The following ZPBP variants were observed in gnomAD, a reference collection of about 807,000 sequenced individuals.
ZPBP encodes zona pellucida binding protein, also known as zona pellucida-binding protein 1.
ZPBP carries 26 observed loss-of-function variants against 44.8 expected under a neutral mutation model. The ratio of observed to expected loss-of-function variants is 0.58; its 90% CI spans 0.43 to 0.81. ZPBP has a LOEUF of 0.81. ZPBP is among the 30% of genes least tolerant of loss of function. The probability of loss-of-function intolerance (pLI) is 0.00; values close to 1 mark genes in which losing one functional copy is unlikely to be tolerated. For missense variants in ZPBP, 409 were observed against 434.0 expected (o/e 0.94, Z 0.51); for synonymous variants, 174 against 153.2 (o/e 1.14, Z -1.00).
chr7:49,951,236 T>G (rs1047491455), intron 7 of ZPBP, among the ~76,000 whole-genome samples: 2 of 151,706 alleles, frequency 1.3e-5, no homozygotes, highest in Non-Finnish European at 3.0e-5. Context: ...ATTTTAAAAC[T>G]GGGATGAAAT....
Position 49,984,322 on chromosome 7 carries a change from T to C in ZPBP, c.784-803A>G, listed in dbSNP as rs73349184. Among the ~76,000 whole-genome samples, 687 of 152,294 alleles carry C rather than the reference T, an allele frequency of 4.5e-3. 6 individuals are homozygous for C. The highest frequency in any genetic ancestry group is 0.016 in the African/African-American group (662 of 41,562). ...TTTCTATAATGTCCAGGTTCTCCCA[T>C]GCAAAAACACCCACAAAGGGTGATA... On this transcript the variant is annotated intron_variant, in intron 6 of 7. Transcript: ENST00000046087.
At chr7:49,986,242 G>A (rs548568043) in intron 6 of ZPBP, among the ~76,000 whole-genome samples, 13 of 152,198 alleles carry the variant, frequency 8.5e-5, no homozygotes, top group Non-Finnish European at 7.4e-5. Context: ...CCCACCCTCC[G>A]TTGCTCCTGG....
chr7:49,943,356 C>T lies in ZPBP; in HGVS notation c.962-5734G>A, dbSNP rs145059493. 1.5e-3 allele frequency: 519 copies of T among 337,298 alleles called. 5 individuals carry two copies. Among genetic ancestry groups the T allele is most frequent in the African/African-American group, 0.01 (472 of 45,670 alleles). The allele number at this position is 337,298 out of a possible 1,614,324, so 20.9% of individuals were successfully genotyped here. On this transcript the variant is annotated intron_variant, in intron 7 of 7. Coordinates refer to ENST00000046087, the MANE Select transcript of ZPBP (RefSeq NM_007009.3). ...GAAGAGTATACCAAACCTGAACAGTCAATGAAGCATAACCAACATATCAAG... is the reference window on the plus strand; with the variant it reads ...GAAGAGTATACCAAACCTGAACAGTTAATGAAGCATAACCAACATATCAAG...
At chr7:49,908,060 C>A (rs1213874712) in intron 1 of ZPBP, among the ~76,000 whole-genome samples, 2 of 152,168 alleles carry the variant, frequency 1.3e-5, no homozygotes, top group African/African-American at 4.8e-5. Context: ...CAAAATATGT[C>A]AAAGAAATAT....
chr7:49,852,820 T>C (rs1423777269), intron 2 of ZPBP, among the ~76,000 whole-genome samples: 1 of 152,208 alleles, frequency 6.6e-6, no homozygotes. Context: ...TGGCCATGAC[T>C]TGGACTCCGT....
intron 7 of ZPBP, among the ~76,000 whole-genome samples, chr7:49,979,965 A>G (rs1439307105): frequency 9.1e-6 from 1 of 109,414 alleles, no homozygotes; most frequent in Non-Finnish European, 1.7e-5. Flanking sequence ...ATATATTTAT[A>G]TTATATATTA....
At chr7:50,029,463 T>C (rs1158236929) in intron 5 of ZPBP, among the ~76,000 whole-genome samples, 1 of 151,980 alleles carries the variant, frequency 6.6e-6, no homozygotes, top group East Asian at 1.9e-4. Context: ...AAGGAAAAAA[T>C]AGGTAAATTG....
chr7:49,992,789 A>G (rs971053264), intron 6 of ZPBP, among the ~76,000 whole-genome samples: 19 of 152,174 alleles, frequency 1.2e-4, no homozygotes, highest in African/African-American at 3.9e-4. Flanking sequence ...CTGACAGCCA[A>G]TGAATCCTCA....
chr7:49,980,058 T>A (rs1171809930), intron 7 of ZPBP, among the ~76,000 whole-genome samples: 1 of 84,888 alleles, frequency 1.2e-5, no homozygotes, highest in Non-Finnish European at 2.1e-5. Context: ...AATATAATTT[T>A]ATATTATATT....
intron 4 of ZPBP, among the ~76,000 whole-genome samples, chr7:50,054,586 A>C (rs1584130589): frequency 6.6e-6 from 1 of 152,204 alleles, no homozygotes; most frequent in East Asian, 1.9e-4. Flanking sequence ...ATTTTCTAAA[A>C]TTTTTAAAGG....
chr7:49,988,169 A>G (rs1389237385), intron 6 of ZPBP, among the ~76,000 whole-genome samples: 1 of 152,208 alleles, frequency 6.6e-6, no homozygotes, highest in Admixed American at 6.5e-5. Flanking sequence ...CTAAATCTGT[A>G]AAAGGTTATA....
At chr7:49,853,289 C>T (rs1489330990) in intron 2 of ZPBP, among the ~76,000 whole-genome samples, 1 of 152,228 alleles carries the variant, frequency 6.6e-6, no homozygotes, top group East Asian at 1.9e-4. Context: ...CCCTTAGGAA[C>T]CTGTGGCCGG....
chr7:49,843,875 G>A, the ZPBP span, among the ~76,000 whole-genome samples: 1 of 152,188 alleles, frequency 6.6e-6, no homozygotes, highest in Non-Finnish European at 1.5e-5. Context: ...GAAAAAAGAA[G>A]ACCAATGGTA....
rs549313291 is a variant in ZPBP at position 50,087,748 on chromosome 7, TATAAA to T, written c.208+1876_208+1880del. Among the ~76,000 whole-genome samples the T allele has an allele frequency of 3.1e-4, 47 of 152,116 alleles. No individual in the cohort carries two copies. The East Asian group carries it at 9.1e-3, about 29-fold the overall frequency. On this transcript the variant is annotated intron_variant, in intron 2 of 7. Transcript: ENST00000046087. Reference sequence around the variant, plus strand: ...AATGTAACACTTGCATACTGAAAACTATAAAATATAATTGAGGGAAATTAAAGATC... The same window carrying T: ...AATGTAACACTTGCATACTGAAAACTATATAATTGAGGGAAATTAAAGATC...
At chr7:50,061,079 G>C (rs1381007102) in intron 3 of ZPBP, among the ~76,000 whole-genome samples, 1 of 152,106 alleles carries the variant, frequency 6.6e-6, no homozygotes, top group Non-Finnish European at 1.5e-5. Flanking sequence ...CATCTCAACA[G>C]ATGCAGAAAA....
intron 4 of ZPBP, among the ~76,000 whole-genome samples, chr7:50,044,531 T>C (rs1800252361): frequency 6.6e-6 from 1 of 152,106 alleles, no homozygotes; most frequent in South Asian, 2.1e-4. Context: ...CAGAAAATAC[T>C]ATAAACACCT....
intron 6 of ZPBP, among the ~76,000 whole-genome samples, chr7:50,006,545 A>G (rs954817327): frequency 2.0e-5 from 3 of 152,070 alleles, no homozygotes; most frequent in South Asian, 4.1e-4. Flanking sequence ...AGGGAAATTT[A>G]TGGGATTCAG....
At chr7:50,048,051 T>C (rs1232515908) in intron 4 of ZPBP, among the ~76,000 whole-genome samples, 2 of 152,156 alleles carry the variant, frequency 1.3e-5, no homozygotes, top group African/African-American at 2.4e-5. Context: ...GAGTTAGGCA[T>C]ACTGAGTGTA....
chr7:49,922,891 A>G (rs1794082297), intron 1 of ZPBP, among the ~76,000 whole-genome samples: 1 of 152,340 alleles, frequency 6.6e-6, no homozygotes, highest in Non-Finnish European at 1.5e-5. Flanking sequence ...TTCAAAGACT[A>G]TAGGACAAAA....
Sources: gnomAD v4.1 joint callset for allele counts (sites outside exome capture counted in the v4.1 genomes callset) on GRCh38, gnomAD v4.1.1 for gene constraint, MANE v1.5 for transcripts, NCBI Gene and HGNC (gene_info 2026-07-23, HGNC 2026-07-21) for gene names.